The following UXS1 variants were observed in gnomAD, a reference collection of about 807,000 sequenced individuals.
The protein encoded by UXS1 is UDP-glucuronic acid decarboxylase 1.
Under a neutral mutation model 62.6 loss-of-function variants are expected in UXS1, and 33 were observed. That is an observed-to-expected ratio of 0.53 (90% confidence interval 0.40 to 0.70). The LOEUF (loss-of-function observed/expected upper bound fraction) is 0.70, where lower values mean the gene tolerates loss of function less well. Among genes scored for constraint, UXS1 ranks in the 30% least tolerant of loss-of-function variants. The pLI, the probability that UXS1 is intolerant of heterozygous loss-of-function variation, is 0.00. For synonymous variants in UXS1, 213 were observed against 206.8 expected (o/e 1.03, Z -0.26); for missense variants, 434 against 556.3 (o/e 0.78, Z 2.21).
intron 2 of UXS1, among the ~76,000 whole-genome samples, chr2:106,165,800 T>C (rs534069851): frequency 1.9e-5 from 2 of 107,376 alleles, no homozygotes; most frequent in East Asian, 2.3e-4. Flanking sequence ...CCCTTTATTA[T>C]CTACACAAGG....
intron 11 of UXS1, among the ~76,000 whole-genome samples, chr2:106,103,620 T>A (rs2104848906): frequency 6.6e-6 from 1 of 152,316 alleles, no homozygotes; most frequent in Middle Eastern, 3.4e-3. Context: ...AGCTGCCATT[T>A]CCCTGTTAAA....
intron 1 of UXS1, among the ~76,000 whole-genome samples, chr2:106,170,012 CCCTGGAGGCTGGAGATGCA>C (rs1313586665): frequency 6.6e-6 from 1 of 152,176 alleles, no homozygotes; most frequent in Non-Finnish European, 1.5e-5. Context: ...CTTCCACTGC[CCCTGGAGGCTGGAGATGCA>C]CCTGGAGACG....
intron 12 of UXS1, among the ~76,000 whole-genome samples, chr2:106,099,591 C>T (rs967863204): frequency 7.9e-5 from 12 of 152,120 alleles, no homozygotes; most frequent in Admixed American, 5.2e-4. Context: ...GGCAGACACA[C>T]GATTCCAATT....
intron 13 of UXS1, chr2:106,097,269 C>T (rs1354297028): frequency 4.4e-6 from 2 of 450,928 alleles, no homozygotes; most frequent in Admixed American, 4.7e-5. Context: ...CCTAGACAGC[C>T]CTGAGACCCA....
chr2:106,174,566 C>T (rs960955764), intron 1 of UXS1, among the ~76,000 whole-genome samples: 47 of 152,228 alleles, frequency 3.1e-4, no homozygotes, highest in African/African-American at 1.1e-3. Flanking sequence ...GCAAATAGAA[C>T]CTGAGGGCTG....
chr2:106,178,810 G>T (rs1008180957), intron 1 of UXS1, among the ~76,000 whole-genome samples: 1 of 147,458 alleles, frequency 6.8e-6, no homozygotes, highest in Non-Finnish European at 1.5e-5. Flanking sequence ...AAGCTGGGCA[G>T]TGTAGTTCTG....
intron 13 of UXS1, among the ~76,000 whole-genome samples, chr2:106,098,225 G>A (rs1198425932): frequency 6.6e-6 from 1 of 152,258 alleles, no homozygotes; most frequent in Non-Finnish European, 1.5e-5. Flanking sequence ...TGGTCTGGAA[G>A]ACCTGACCTT....
intron 14 of UXS1, among the ~76,000 whole-genome samples, chr2:106,095,457 C>CT: frequency 6.6e-6 from 1 of 152,300 alleles, no homozygotes; most frequent in Admixed American, 6.5e-5. Flanking sequence ...TCTCATGTCC[C>CT]TTTGAAGTTC....
intron 9 of UXS1, among the ~76,000 whole-genome samples, chr2:106,114,820 C>T (rs977146752): frequency 1.3e-5 from 2 of 152,136 alleles, no homozygotes; most frequent in African/African-American, 4.8e-5. Flanking sequence ...AGAACACGAG[C>T]TCTCAAGGCT....
chr2:106,128,776 C>G (rs886868698), intron 7 of UXS1, among the ~76,000 whole-genome samples: 1 of 152,138 alleles, frequency 6.6e-6, no homozygotes, highest in Non-Finnish European at 1.5e-5. Context: ...TGACTAGTAC[C>G]ACCCCCTAAA....
chr2:106,121,484 C>G (rs369393491), intron 9 of UXS1, among the ~76,000 whole-genome samples: 2 of 152,186 alleles, frequency 1.3e-5, no homozygotes, highest in Non-Finnish European at 2.9e-5. Flanking sequence ...ACTCCTGGAA[C>G]ACATTCTAGA....
At chr2:106,192,137 T>C (rs941306995) in intron 1 of UXS1, among the ~76,000 whole-genome samples, 1 of 152,246 alleles carries the variant, frequency 6.6e-6, no homozygotes, top group Non-Finnish European at 1.5e-5. Context: ...CTATGTGGTA[T>C]AGGGTCTGTA....
intron 8 of UXS1, among the ~76,000 whole-genome samples, chr2:106,124,925 T>C (rs1392776784): frequency 6.6e-6 from 1 of 152,198 alleles, no homozygotes; most frequent in Admixed American, 6.5e-5. Flanking sequence ...ACAATAATAA[T>C]GTAAAATAGA....
intron 9 of UXS1, 136 bp from the exon 10 acceptor site, chr2:106,112,901 G>A: frequency 3.6e-6 from 5 of 1,373,458 alleles, no homozygotes; most frequent in Non-Finnish European, 4.8e-6. Context: ...TGGCTTTTTT[G>A]TTCTGATTCC....
At chr2:106,175,884 T>C (rs917758622) in intron 1 of UXS1, among the ~76,000 whole-genome samples, 3 of 152,202 alleles carry the variant, frequency 2.0e-5, no homozygotes, top group African/African-American at 7.2e-5. Context: ...CCACTATGTT[T>C]TAAAGTGGTT....
At chr2:106,104,869 T>G in intron 10 of UXS1, 32 bp from the exon 11 acceptor site, 7 of 1,613,854 alleles carry the variant, frequency 4.3e-6, no homozygotes, top group Non-Finnish European at 5.9e-6. Flanking sequence ...GGCCTCCTGA[T>G]AAAACCACAC....
chr2:106,120,418 G>A (rs1679430072), intron 9 of UXS1, among the ~76,000 whole-genome samples: 1 of 152,160 alleles, frequency 6.6e-6, no homozygotes, highest in Admixed American at 6.5e-5. Flanking sequence ...ACTGCACAGT[G>A]GGAACGGGTA....
rs745741911 is a variant in UXS1, at chr2:106,096,760, T to G, written c.1104A>C (p.Pro368=). ...EAQDDPQKRK[P]DIKKAKLMLG... is the part of the protein sequence containing the mutation. The stretch of plus-strand genomic sequence containing the variant: ...GCATCAGCTTTGCTTTTTTGATGTC[T>G]GGTTTTCTTTTCTGTGGGTCATCCT... Residue 368 remains proline, a synonymous_variant, in exon 14 of 15, where the codon CCA becomes CCC. Coordinates refer to ENST00000283148, the MANE Select transcript of UXS1 (RefSeq NM_001253875.2). 3 of 1,591,286 alleles carry G rather than the reference T, an allele frequency of 1.9e-6. No homozygotes were observed. The South Asian group carries it at 3.4e-5, about 18-fold the overall frequency.
chr2:106,182,057 T>C (rs1684279374), intron 1 of UXS1, among the ~76,000 whole-genome samples: 1 of 152,206 alleles, frequency 6.6e-6, no homozygotes. Context: ...TTGATCTTGA[T>C]GTAGAATGAA....
Sources: allele counts gnomAD v4.1 joint callset (sites outside exome capture counted in the v4.1 genomes callset), GRCh38; gene constraint gnomAD v4.1.1; transcripts MANE v1.5; gene names NCBI Gene and HGNC (gene_info 2026-07-23, HGNC 2026-07-21).